ADK: variants seen among roughly 807,000 people sequenced by gnomAD.
The protein encoded by ADK is adenosine kinase.
Under a neutral mutation model 44.7 loss-of-function variants are expected in ADK, and 24 were observed. That is an observed-to-expected ratio of 0.54 (90% CI 0.39 to 0.76). The LOEUF (loss-of-function observed/expected upper bound fraction) is 0.76. ADK is among the 30% of genes least tolerant of loss of function. The pLI is 0.00. For missense variants in ADK, 321 were observed against 425.1 expected (o/e 0.76, Z 2.15); for synonymous variants, 128 against 142.6 (o/e 0.90, Z 0.73).
intron 1 of ADK, among the ~76,000 whole-genome samples, chr10:74,173,431 C>CTT (rs574254535): frequency 1.5e-5 from 2 of 130,876 alleles, no homozygotes; most frequent in African/African-American, 5.6e-5. Flanking sequence ...CTTTTTCTTT[C>CTT]TTTTTTTTTT....
At chr10:74,362,343 TC>T (rs998537507) in intron 4 of ADK, among the ~76,000 whole-genome samples, 1 of 151,022 alleles carries the variant, frequency 6.6e-6, no homozygotes, top group African/African-American at 2.4e-5. Flanking sequence ...CTTCTGTTGC[TC>T]TCTATTGAGA....
intron 4 of ADK, among the ~76,000 whole-genome samples, chr10:74,380,613 C>T (rs745677151): frequency 6.6e-6 from 1 of 151,970 alleles, no homozygotes; most frequent in African/African-American, 2.4e-5. Context: ...AAAAAATTAG[C>T]TGGGTGTGGT....
intron 3 of ADK, among the ~76,000 whole-genome samples, chr10:74,289,833 C>CAA (rs34417435): frequency 0.019 from 2,616 of 135,918 alleles, 28 homozygotes; most frequent in Middle Eastern, 0.026. Flanking sequence ...TTTAGTGGGC[C>CAA]AAAAAAAAAA....
chr10:74,210,924 G>A (rs769888387), intron 2 of ADK, among the ~76,000 whole-genome samples: 32 of 151,804 alleles, frequency 2.1e-4, no homozygotes, highest in Non-Finnish European at 2.9e-4. Flanking sequence ...TTTCACTGTC[G>A]CTCAGGCTGG....
chr10:74,234,986 C>T (rs1054679173), intron 3 of ADK, among the ~76,000 whole-genome samples: 1 of 152,042 alleles, frequency 6.6e-6, no homozygotes, highest in Admixed American at 6.6e-5. Flanking sequence ...TCAAACATTC[C>T]TATAACTTTA....
chr10:74,592,159 T>TA (rs1564808831), intron 8 of ADK, among the ~76,000 whole-genome samples: 1 of 152,060 alleles, frequency 6.6e-6, no homozygotes, highest in African/African-American at 2.4e-5. Context: ...GAGGATTTTT[T>TA]TATATATATA....
chr10:74,471,731 T>C (rs965820117), intron 6 of ADK, among the ~76,000 whole-genome samples: 2 of 152,188 alleles, frequency 1.3e-5, no homozygotes, highest in African/African-American at 4.8e-5. Context: ...GCCTCCTTGG[T>C]TACTCATAAG....
In ADK at chr10:74,183,000, C is replaced by G. The variant is rs572051764; in HGVS notation, c.66-17764C>G. 2.0e-5 allele frequency among the ~76,000 whole-genome samples: 3 copies of G among 152,286 alleles called. No individual in the cohort carries two copies. The East Asian group carries it at 5.8e-4, about 29-fold the overall frequency. ...GCATGAACACAGTTCACTGCAACGT[C>G]AACCTCTGGGCTTAAGTGATCCTAC... On this transcript the variant is annotated intron_variant, in intron 1 of 10. Coordinates refer to ENST00000539909, the MANE Select transcript of ADK (RefSeq NM_006721.4).
At chr10:74,557,579 T>C (rs1850306411) in intron 7 of ADK, among the ~76,000 whole-genome samples, 1 of 152,172 alleles carries the variant, frequency 6.6e-6, no homozygotes, top group African/African-American at 2.4e-5. Flanking sequence ...CTAGACATAT[T>C]TTATTGTAAA....
intron 10 of ADK, among the ~76,000 whole-genome samples, chr10:74,674,313 G>T (rs910187188): frequency 6.6e-6 from 1 of 152,154 alleles, no homozygotes; most frequent in African/African-American, 2.4e-5. Flanking sequence ...CTCCACACCA[G>T]CAGGAGCCTT....
chr10:74,653,634 ACAC>A (rs1854365740), intron 9 of ADK, among the ~76,000 whole-genome samples: 1 of 152,206 alleles, frequency 6.6e-6, no homozygotes, highest in African/African-American at 2.4e-5. Flanking sequence ...ACCATATGTT[ACAC>A]ATTTTAATCT....
At chr10:74,545,590 C>T (rs1361231151) in intron 7 of ADK, among the ~76,000 whole-genome samples, 1 of 152,164 alleles carries the variant, frequency 6.6e-6, no homozygotes, top group Non-Finnish European at 1.5e-5. Flanking sequence ...CTGGTTCCTC[C>T]TGTCTTTAAC....
intron 6 of ADK, among the ~76,000 whole-genome samples, chr10:74,435,333 A>G (rs773851441): frequency 2.0e-5 from 3 of 152,216 alleles, no homozygotes; most frequent in Non-Finnish European, 4.4e-5. Context: ...ACAGTAATCC[A>G]ATGAATTAGG....
chr10:74,484,240 G>A (rs1847187774), intron 6 of ADK, among the ~76,000 whole-genome samples: 1 of 152,106 alleles, frequency 6.6e-6, no homozygotes, highest in African/African-American at 2.4e-5. Context: ...CATCTTAAAT[G>A]GCTGGAGCAG....
chr10:74,560,583 A>G (rs1046050195), intron 7 of ADK, among the ~76,000 whole-genome samples: 6 of 152,256 alleles, frequency 3.9e-5, no homozygotes, highest in African/African-American at 1.4e-4. Flanking sequence ...CAGCAATAGT[A>G]AAAACATGTA....
intron 7 of ADK, among the ~76,000 whole-genome samples, chr10:74,578,130 AT>A (rs1214807399): frequency 7.2e-5 from 11 of 152,152 alleles, no homozygotes; most frequent in Non-Finnish European, 1.5e-4. Flanking sequence ...ATTGGTTCAC[AT>A]TTGAACAAAG....
intron 7 of ADK, among the ~76,000 whole-genome samples, chr10:74,573,222 G>A (rs1159891632): frequency 1.3e-5 from 2 of 152,102 alleles, no homozygotes; most frequent in Non-Finnish European, 2.9e-5. Context: ...CCTTCTAACA[G>A]ACAGGACCCT....
intron 6 of ADK, among the ~76,000 whole-genome samples, chr10:74,412,287 A>G (rs763820048): frequency 5.3e-5 from 8 of 152,142 alleles, no homozygotes; most frequent in Non-Finnish European, 1.0e-4. Flanking sequence ...GGCAAGCTCA[A>G]GCAATCCTCC....
rs57958159 is a variant in ADK, at chr10:74,356,002, A to ATATTGTTTTTTT, written c.274-38138_274-38137insATTGTTTTTTTT. On this transcript the variant is annotated intron_variant, in intron 4 of 10. Transcript: ENST00000539909. ...TCTGAAATATTTCACTAAATAATTC[A>ATATTGTTTTTTT]TTTTTTTTTTTTTTTTTTTTTTTTT... is the stretch of plus-strand genomic sequence containing the variant. Among the ~76,000 whole-genome samples, 8 of 83,298 alleles carry ATATTGTTTTTTT rather than the reference A, an allele frequency of 9.6e-5. 1 individual carries two copies. Among genetic ancestry groups the ATATTGTTTTTTT allele is most frequent in the African/African-American group, 3.6e-4 (7 of 19,610 alleles). 54.6% of individuals were successfully genotyped at this position (83,298 alleles called of 152,430 possible). A position where few individuals can be genotyped will look rare whatever the true frequency, so the allele number is the denominator to read the frequency against.
Sources: gnomAD v4.1 joint callset for allele counts (sites outside exome capture counted in the v4.1 genomes callset) on GRCh38, gnomAD v4.1.1 for gene constraint, MANE v1.5 for transcripts, NCBI Gene and HGNC (gene_info 2026-07-23, HGNC 2026-07-21) for gene names.